ILRUN: variants seen among roughly 807,000 people sequenced by gnomAD.
The protein encoded by ILRUN is inflammation and lipid regulator with UBA-like and NBR1-like domains.
Under a neutral mutation model 33.8 loss-of-function variants are expected in ILRUN, and 3 were observed. That is an observed-to-expected ratio of 0.09 (90% CI 0.04 to 0.23). The LOEUF (loss-of-function observed/expected upper bound fraction) is 0.23. ILRUN is among the 10% of genes least tolerant of loss of function. The pLI, the probability that ILRUN is intolerant of heterozygous loss-of-function variation, is 1.00. For synonymous variants in ILRUN, 124 were observed against 138.9 expected (o/e 0.89, Z 0.75); for missense variants, 210 against 375.1 (o/e 0.56, Z 3.64).
At chr6:34,650,407 T>TTATTTA (rs1554186669) in intron 2 of ILRUN, among the ~76,000 whole-genome samples, 12 of 141,496 alleles carry the variant, frequency 8.5e-5, no homozygotes, top group African/African-American at 2.3e-4. Context: ...ATTTATTTAT[T>TTATTTA]TTTATTTATT....
chr6:34,621,568 T>C (rs1762012740), intron 3 of ILRUN, among the ~76,000 whole-genome samples: 1 of 152,008 alleles, frequency 6.6e-6, no homozygotes, highest in South Asian at 2.1e-4. Context: ...TCAAAACTTA[T>C]CACAAAGTGG....
chr6:34,670,697 A>C (rs1216416206), intron 1 of ILRUN, among the ~76,000 whole-genome samples: 1 of 151,828 alleles, frequency 6.6e-6, no homozygotes, highest in Non-Finnish European at 1.5e-5. Flanking sequence ...CTAAAAAAAA[A>C]ATACAAAACT....
chr6:34,677,066 G>A lies in ILRUN; in HGVS notation c.158+19380C>T, dbSNP rs543868261. On this transcript the variant is annotated intron_variant, in intron 1 of 4. Transcript: ENST00000374023. ...TCACATCTATAATCCTAGCACTTTG[G>A]GAGGCCAAGGCAGGCAGATTACCTG... Among the ~76,000 whole-genome samples the A allele has an allele frequency of 5.3e-5, 8 of 151,904 alleles. 2 individuals carry two copies. Among genetic ancestry groups the A allele is most frequent in the African/African-American group, 1.9e-4 (8 of 41,388 alleles).
intron 3 of ILRUN, among the ~76,000 whole-genome samples, chr6:34,618,638 A>ATT (rs1761947749): frequency 6.6e-6 from 1 of 152,034 alleles, no homozygotes; most frequent in Non-Finnish European, 1.5e-5. Context: ...CAATAATCTG[A>ATT]TTTTGTCAGG....
rs570033141 is a variant in ILRUN at position 34,590,675 on chromosome 6, T to A, written c.862-75A>T. On this transcript the variant is annotated intron_variant, in intron 4 of 4. Coordinates refer to ENST00000374023, the MANE Select transcript of ILRUN (RefSeq NM_024294.4). ...TGACAACCAAACCAAGTGCAAGATC[T>A]ATGGTTCCCAGTGAGTCACAAGGAA... The A allele has an allele frequency of 2.7e-6, 3 of 1,100,446 alleles. No individual in the cohort carries two copies. The East Asian group carries it at 7.1e-5, about 26-fold the overall frequency. The allele number at this position is 1,100,446 out of a possible 1,614,324, so 68.2% of individuals were successfully genotyped here.
chr6:34,679,561 A>G (rs1763312370), intron 1 of ILRUN, among the ~76,000 whole-genome samples: 1 of 152,250 alleles, frequency 6.6e-6, no homozygotes, highest in Admixed American at 6.5e-5. Context: ...CAAAATCTTT[A>G]AAGTGTTGAA....
At chr6:34,603,051 G>A (rs1761546905) in intron 4 of ILRUN, among the ~76,000 whole-genome samples, 1 of 152,200 alleles carries the variant, frequency 6.6e-6, no homozygotes, top group South Asian at 2.1e-4. Context: ...TATGGAGGCA[G>A]CAGGAAACTA....
At chr6:34,689,322 G>A (rs1305580293) in intron 1 of ILRUN, among the ~76,000 whole-genome samples, 1 of 151,912 alleles carries the variant, frequency 6.6e-6, no homozygotes, top group Non-Finnish European at 1.5e-5. Context: ...ACTCCAGCCT[G>A]GGCAACATAG....
intron 3 of ILRUN, among the ~76,000 whole-genome samples, chr6:34,621,983 A>G (rs116016508): frequency 8.3e-4 from 126 of 152,328 alleles, no homozygotes; most frequent in African/African-American, 2.9e-3. Context: ...CGGTGCCAAA[A>G]CAATTCAATG....
At chr6:34,695,492 C>CTT (rs1763746679) in intron 1 of ILRUN, among the ~76,000 whole-genome samples, 1 of 152,218 alleles carries the variant, frequency 6.6e-6, no homozygotes, top group Non-Finnish European at 1.5e-5. Flanking sequence ...AGAAACACTC[C>CTT]TTTACGTCGG....
In ILRUN at chr6:34,696,709, C is replaced by G; in HGVS notation, c.-106G>C. The G allele has an allele frequency of 7.8e-7, 1 of 1,281,316 alleles. No homozygotes were observed. The highest frequency in any genetic ancestry group is 1.1e-6 in the Non-Finnish European group (1 of 932,124). 79.4% of individuals were successfully genotyped at this position (1,281,316 alleles called of 1,614,324 possible). ...GGCCGCTGCTAGCTAGCTTCGCGACCCCGCTCCTTTGAGGTAGGCCCCGGG... is the reference window on the plus strand; with the variant it reads ...GGCCGCTGCTAGCTAGCTTCGCGACGCCGCTCCTTTGAGGTAGGCCCCGGG... On this transcript the variant is annotated 5_prime_UTR_variant, in exon 1 of 5. Coordinates refer to ENST00000374023, the MANE Select transcript of ILRUN (RefSeq NM_024294.4).
At chr6:34,666,954 T>A (rs932547730) in intron 1 of ILRUN, among the ~76,000 whole-genome samples, 2 of 152,230 alleles carry the variant, frequency 1.3e-5, no homozygotes, top group African/African-American at 4.8e-5. Context: ...TAAAAATAGC[T>A]TCTTTACATG....
At chr6:34,590,866 GATCA>G (rs1761280845) in intron 4 of ILRUN, among the ~76,000 whole-genome samples, 1 of 152,192 alleles carries the variant, frequency 6.6e-6, no homozygotes, top group African/African-American at 2.4e-5. Context: ...TCAGATGGTA[GATCA>G]GTCAATGCCA....
At chr6:34,618,561 C>A (rs1160621077) in intron 3 of ILRUN, among the ~76,000 whole-genome samples, 1 of 152,220 alleles carries the variant, frequency 6.6e-6, no homozygotes, top group Non-Finnish European at 1.5e-5. Flanking sequence ...AAAGATGCTT[C>A]CCTCCTCCTT....
At chr6:34,687,623 A>T (rs1042864769) in intron 1 of ILRUN, among the ~76,000 whole-genome samples, 1 of 151,020 alleles carries the variant, frequency 6.6e-6, no homozygotes, top group African/African-American at 2.4e-5. Context: ...ACTTGAATCC[A>T]GGAGATGGAG....
At position 34,606,567 on chromosome 6, in the gene ILRUN, C is replaced by T; in HGVS notation, c.849G>A (p.Val283=). 1 of 1,613,366 alleles carries T rather than the reference C, an allele frequency of 6.2e-7. No individual in the cohort carries two copies. Among genetic ancestry groups the T allele is most frequent in the Non-Finnish European group, 8.5e-7 (1 of 1,179,572 alleles). Residue 283 remains valine, a synonymous_variant, in exon 4 of 5, where the codon GTG becomes GTA. Coordinates refer to ENST00000374023, the MANE Select transcript of ILRUN (RefSeq NM_024294.4). ...PSSHANNLSV[V]TYSKGLHGPY... is the part of the protein sequence containing the mutation. ...CAAGGGCACCTACCTTACTGTAAGT[C>T]ACTACTGATAAGTTGTTTGCGTGAC... is the stretch of plus-strand genomic sequence containing the variant.
intron 3 of ILRUN, among the ~76,000 whole-genome samples, chr6:34,644,366 G>A (rs1762528287): frequency 6.6e-6 from 1 of 152,090 alleles, no homozygotes; most frequent in Non-Finnish European, 1.5e-5. Flanking sequence ...AGATAAACCA[G>A]ACATGTGTCA....
At chr6:34,627,161 G>A in intron 3 of ILRUN, among the ~76,000 whole-genome samples, 1 of 152,194 alleles carries the variant, frequency 6.6e-6, no homozygotes, top group East Asian at 1.9e-4. Context: ...GAATCCAACA[G>A]TATGTAGCCT....
chr6:34,591,943 T>C (rs963584982), intron 4 of ILRUN, among the ~76,000 whole-genome samples: 1 of 152,228 alleles, frequency 6.6e-6, no homozygotes, highest in African/African-American at 2.4e-5. Context: ...GCACTTTCTA[T>C]GCTGCTTGGC....
Sources: gnomAD v4.1 joint callset for allele counts (sites outside exome capture counted in the v4.1 genomes callset) on GRCh38, gnomAD v4.1.1 for gene constraint, MANE v1.5 for transcripts, NCBI Gene and HGNC (gene_info 2026-07-23, HGNC 2026-07-21) for gene names.